Variants in TASP1 observed in about 807,000 individuals in gnomAD.
The protein encoded by TASP1 is threonine aspartase 1.
A neutral mutation model predicts 56.6 loss-of-function variants in TASP1; 16 were observed. The observed-to-expected ratio is 0.28, with a 90% CI of 0.19 to 0.43. TASP1 has a LOEUF of 0.43. TASP1 is among the 20% of genes least tolerant of loss of function. The probability of loss-of-function intolerance (pLI) is 1.00; values close to 1 mark genes in which losing one functional copy is unlikely to be tolerated. For synonymous variants in TASP1, 179 were observed against 184.2 expected, an observed-to-expected ratio of 0.97 and a Z score of 0.23; for missense variants, 393 against 511.6, an observed-to-expected ratio of 0.77 and a Z score of 2.24.
chr20:13,502,792 G>T (rs2043992388), intron 10 of TASP1, among the ~76,000 whole-genome samples: 2 of 152,090 alleles, frequency 1.3e-5, no homozygotes, highest in African/African-American at 4.8e-5. Flanking sequence ...TACCTACAAA[G>T]GAAAATACAT....
chr20:13,431,340 G>A (rs2042798346), intron 12 of TASP1, among the ~76,000 whole-genome samples: 2 of 152,114 alleles, frequency 1.3e-5, no homozygotes, highest in Admixed American at 1.3e-4. Context: ...TGATAGAAAG[G>A]AGAATCCACT....
intron 6 of TASP1, among the ~76,000 whole-genome samples, chr20:13,579,976 A>T (rs1384735788): frequency 6.6e-6 from 1 of 152,236 alleles, no homozygotes; most frequent in East Asian, 1.9e-4. Context: ...AACACAGAAC[A>T]TTAATGTAAC....
chr20:13,477,519 T>C (rs758761308), intron 11 of TASP1, among the ~76,000 whole-genome samples: 5 of 152,104 alleles, frequency 3.3e-5, no homozygotes, highest in African/African-American at 1.2e-4. Context: ...CAGGAATCTA[T>C]AATGCTGCCC....
the TASP1 span, among the ~76,000 whole-genome samples, chr20:13,184,101 A>G: frequency 6.6e-6 from 1 of 152,096 alleles, no homozygotes; most frequent in Non-Finnish European, 1.5e-5. Context: ...TTTGTATTCA[A>G]CATTTATTCA....
At chr20:13,277,539 T>C in the TASP1 span, among the ~76,000 whole-genome samples, 3 of 152,220 alleles carry the variant, frequency 2.0e-5, no homozygotes, top group Non-Finnish European at 4.4e-5. Flanking sequence ...TCTGAGCTTC[T>C]GTGTGGGTCC....
At chr20:13,362,246 CCT>C in the TASP1 span, among the ~76,000 whole-genome samples, 1 of 151,228 alleles carries the variant, frequency 6.6e-6, no homozygotes, top group African/African-American at 2.4e-5. Context: ...GAATGTCAGG[CCT>C]CTGAGCCCAA....
At chr20:13,289,712 G>A in the TASP1 span, among the ~76,000 whole-genome samples, 1 of 151,954 alleles carries the variant, frequency 6.6e-6, no homozygotes, top group Non-Finnish European at 1.5e-5. Context: ...CTGCAACCAA[G>A]ACCATATGTG....
At chr20:13,569,166 T>C (rs1029890327) in intron 7 of TASP1, among the ~76,000 whole-genome samples, 7 of 152,096 alleles carry the variant, frequency 4.6e-5, no homozygotes, top group Non-Finnish European at 7.4e-5. Context: ...TCAAGGACTG[T>C]TAAATATTGA....
chr20:13,416,126 C>T (rs2042245661), intron 13 of TASP1, among the ~76,000 whole-genome samples: 1 of 152,214 alleles, frequency 6.6e-6, no homozygotes, highest in Non-Finnish European at 1.5e-5. Flanking sequence ...CTCCATCAAA[C>T]TAGCCACATT....
At chr20:13,392,668 C>A (rs1441395123) in intron 13 of TASP1, 7 of 495,572 alleles carry the variant, frequency 1.4e-5, no homozygotes, top group South Asian at 1.2e-4. Context: ...CAGTGCTAGC[C>A]ACATCCCTGG....
chr20:13,265,877 G>A, the TASP1 span, among the ~76,000 whole-genome samples: 7 of 152,174 alleles, frequency 4.6e-5, no homozygotes, highest in African/African-American at 1.7e-4. Context: ...CAGGACCAGC[G>A]TGATAGCTCC....
intron 10 of TASP1, among the ~76,000 whole-genome samples, chr20:13,522,947 G>C (rs887174328): frequency 2.6e-5 from 4 of 152,102 alleles, no homozygotes; most frequent in African/African-American, 9.7e-5. Flanking sequence ...TACAGGAGGA[G>C]CAAGTTATTT....
the TASP1 span, among the ~76,000 whole-genome samples, chr20:13,250,472 C>A: frequency 6.6e-6 from 1 of 152,172 alleles, no homozygotes; most frequent in Admixed American, 6.5e-5. Flanking sequence ...AGGCTTTTGT[C>A]CTCATTGATT....
the TASP1 span, among the ~76,000 whole-genome samples, chr20:13,315,341 T>A: frequency 0.12 from 18,393 of 151,986 alleles, 1,243 homozygotes; most frequent in Admixed American, 0.18. Context: ...AGGTAAGTGT[T>A]TGCAGAAACA....
At chr20:13,599,372 T>C (rs2147342823) in intron 4 of TASP1, among the ~76,000 whole-genome samples, 1 of 152,318 alleles carries the variant, frequency 6.6e-6, no homozygotes, top group South Asian at 2.1e-4. Context: ...TTCATGTCCT[T>C]TGCAGGGACA....
At chr20:13,382,868 A>G in the TASP1 span, among the ~76,000 whole-genome samples, 2 of 152,296 alleles carry the variant, frequency 1.3e-5, no homozygotes, top group South Asian at 4.1e-4. Context: ...GTGACAGAAA[A>G]ATAAAGCAAA....
At chr20:13,232,450 C>T in the TASP1 span, among the ~76,000 whole-genome samples, 1 of 152,182 alleles carries the variant, frequency 6.6e-6, no homozygotes, top group Non-Finnish European at 1.5e-5. Context: ...GAGATTCATT[C>T]ATGTTGTTCT....
the TASP1 span, among the ~76,000 whole-genome samples, chr20:13,146,911 C>T: frequency 6.6e-6 from 1 of 152,196 alleles, no homozygotes; most frequent in Admixed American, 6.5e-5. Flanking sequence ...TGCGTAATGC[C>T]TTCATGATCT....
At chr20:13,143,273 A>G in the TASP1 span, among the ~76,000 whole-genome samples, 1 of 152,102 alleles carries the variant, frequency 6.6e-6, no homozygotes, top group Non-Finnish European at 1.5e-5. Flanking sequence ...CAAGTCAGTG[A>G]GTCCAGTCTT....
Sources: gnomAD v4.1 joint callset for allele counts (sites outside exome capture counted in the v4.1 genomes callset) on GRCh38, gnomAD v4.1.1 for gene constraint, MANE v1.5 for transcripts, NCBI Gene and HGNC (gene_info 2026-07-23, HGNC 2026-07-21) for gene names.